Variants in FAAH2 observed in about 807,000 individuals in gnomAD.
FAAH2 encodes fatty acid amide hydrolase 2, also known as fatty-acid amide hydrolase 2.
Under a neutral mutation model 36.9 loss-of-function variants are expected in FAAH2, and 60 were observed. The observed-to-expected ratio is 1.63, with a 90% CI of 1.32 to 2.02. The LOEUF is 2.02. Among genes scored for constraint, FAAH2 ranks in the 30% most tolerant of loss-of-function variants. FAAH2 has a pLI of 0.00. For synonymous variants in FAAH2, 214 were observed against 143.8 expected, an observed-to-expected ratio of 1.49 and a Z score of -3.49; for missense variants, 689 against 397.5, an observed-to-expected ratio of 1.73 and a Z score of -6.23.
intron 1 of FAAH2, among the ~76,000 whole-genome samples, chrX:57,291,811 C>T (rs2051993443): frequency 9.0e-6 from 1 of 110,829 alleles, no homozygotes; most frequent in African/African-American, 3.3e-5. Flanking sequence ...TAGCACCCAC[C>T]CAGGATGTTT....
chrX:57,359,214 T>C (rs2054231150), intron 5 of FAAH2, among the ~76,000 whole-genome samples: 1 of 111,077 alleles, frequency 9.0e-6, no homozygotes, highest in South Asian at 3.8e-4. Flanking sequence ...CAGCCTCTGG[T>C]AACCATGATT....
chrX:57,205,614 T>C, the FAAH2 span, among the ~76,000 whole-genome samples: 3 of 112,243 alleles, frequency 2.7e-5, no homozygotes, highest in Non-Finnish European at 5.6e-5. Flanking sequence ...AGCTGAAGTA[T>C]AGGGCATCTG....
intron 10 of FAAH2, among the ~76,000 whole-genome samples, chrX:57,485,449 T>A (rs2057457627): frequency 9.0e-6 from 1 of 111,495 alleles, no homozygotes; most frequent in African/African-American, 3.3e-5. Context: ...TTGTGTGGCA[T>A]GCAGCAAACC....
At chrX:57,207,648 T>A in the FAAH2 span, among the ~76,000 whole-genome samples, 1 of 112,303 alleles carries the variant, frequency 8.9e-6, no homozygotes, top group Non-Finnish European at 1.9e-5. Context: ...GGAACAGAAG[T>A]AGATATAACA....
intron 4 of FAAH2, among the ~76,000 whole-genome samples, chrX:57,334,800 C>T (rs1264332080): frequency 1.8e-5 from 2 of 110,612 alleles, no homozygotes; most frequent in Non-Finnish European, 3.8e-5. Context: ...AACTCAAGGG[C>T]AAATATTAAA....
chrX:57,243,569 C>T, the FAAH2 span, among the ~76,000 whole-genome samples: 7 of 112,314 alleles, frequency 6.2e-5, no homozygotes, highest in Admixed American at 2.8e-4. Flanking sequence ...GCAATCTTTG[C>T]CATTCTGCAG....
At chrX:57,418,465 T>A (rs1172791152) in intron 7 of FAAH2, among the ~76,000 whole-genome samples, 1 of 111,051 alleles carries the variant, frequency 9.0e-6, no homozygotes, top group Non-Finnish European at 1.9e-5. Flanking sequence ...CCCTTATGGC[T>A]TCCCTTGGCT....
chrX:57,180,616 A>T, the FAAH2 span, among the ~76,000 whole-genome samples: 15 of 111,445 alleles, frequency 1.3e-4, no homozygotes, highest in African/African-American at 4.6e-4. Context: ...AAATTGAATC[A>T]GTAATAAATA....
chrX:57,292,416 C>A, intron 1 of FAAH2, 82 bp from the exon 2 acceptor site: 1 of 872,371 alleles, frequency 1.1e-6, no homozygotes. Context: ...GATTAATGTA[C>A]ATAGGAGTCT....
the FAAH2 span, among the ~76,000 whole-genome samples, chrX:57,239,211 G>T: frequency 9.0e-6 from 1 of 111,550 alleles, no homozygotes; most frequent in African/African-American, 3.3e-5. Flanking sequence ...GAATCCATCT[G>T]CAGGAAAGTC....
At chrX:57,295,632 C>T (rs1311939225) in intron 2 of FAAH2, among the ~76,000 whole-genome samples, 5 of 111,893 alleles carry the variant, frequency 4.5e-5, no homozygotes, top group Non-Finnish European at 7.5e-5. Context: ...TGCAGTGCAC[C>T]GTGCATGAGC....
intron 10 of FAAH2, among the ~76,000 whole-genome samples, chrX:57,486,938 C>T (rs776706892): frequency 5.4e-5 from 6 of 111,736 alleles, no homozygotes; most frequent in Non-Finnish European, 9.4e-5. Flanking sequence ...AACTGCAGAA[C>T]TCCTCCTATT....
At chrX:57,471,364 A>T (rs942119854) in intron 10 of FAAH2, among the ~76,000 whole-genome samples, 18 of 112,157 alleles carry the variant, frequency 1.6e-4, no homozygotes, top group African/African-American at 5.5e-4. Context: ...CTCAACCCAA[A>T]ATCTCCTTAA....
intron 1 of FAAH2, among the ~76,000 whole-genome samples, chrX:57,292,210 A>C (rs748691756): frequency 9.0e-6 from 1 of 111,451 alleles, no homozygotes; most frequent in Admixed American, 9.6e-5. Flanking sequence ...TATATACATA[A>C]TATCTCTGAA....
At chrX:57,147,038 T>C in the FAAH2 span, among the ~76,000 whole-genome samples, 3 of 111,414 alleles carry the variant, frequency 2.7e-5, no homozygotes, top group Non-Finnish European at 5.7e-5. Context: ...TTCTTGGTTA[T>C]GTCTTTTCCC....
At chrX:57,464,018 G>A (rs755381485) in intron 10 of FAAH2, among the ~76,000 whole-genome samples, 6 of 111,939 alleles carry the variant, frequency 5.4e-5, no homozygotes, top group African/African-American at 1.3e-4. Flanking sequence ...GCCCATCAAT[G>A]ATAGATTGGA....
At chrX:57,279,070 A>G in the FAAH2 span, among the ~76,000 whole-genome samples, 1 of 112,419 alleles carries the variant, frequency 8.9e-6, no homozygotes, top group East Asian at 2.8e-4. Context: ...CTAGAACTAG[A>G]ATTGCCATTT....
the FAAH2 span, among the ~76,000 whole-genome samples, chrX:57,184,377 C>A: frequency 1.8e-5 from 2 of 111,975 alleles, no homozygotes; most frequent in African/African-American, 6.5e-5. Context: ...GAGGCTCAGG[C>A]GAGCATCACA....
the FAAH2 span, among the ~76,000 whole-genome samples, chrX:57,166,449 C>T: frequency 1.8e-5 from 2 of 112,009 alleles, no homozygotes; most frequent in Non-Finnish European, 3.8e-5. Context: ...TGGCGATCCC[C>T]ATGACCTGCC....
Sources: allele counts gnomAD v4.1 joint callset (sites outside exome capture counted in the v4.1 genomes callset), GRCh38; gene constraint gnomAD v4.1.1; transcripts MANE v1.5; gene names NCBI Gene and HGNC (gene_info 2026-07-23, HGNC 2026-07-21).